Variants in VSIG10 observed in about 807,000 individuals in gnomAD.
The protein encoded by VSIG10 is V-set and immunoglobulin domain-containing protein 10.
A neutral mutation model predicts 58.7 loss-of-function variants in VSIG10; 48 were observed. That is an observed-to-expected ratio of 0.82 (90% CI 0.65 to 1.04). The LOEUF (loss-of-function observed/expected upper bound fraction) is 1.04, where lower values mean the gene tolerates loss of function less well. VSIG10 is among the 50% of genes least tolerant of loss of function. The pLI is 0.00. For missense variants in VSIG10, 628 were observed against 670.0 expected, an observed-to-expected ratio of 0.94 and a Z score of 0.69; for synonymous variants, 260 against 267.1, an observed-to-expected ratio of 0.97 and a Z score of 0.26.
chr12:118,066,631 C>T lies in VSIG10; in HGVS notation c.*8G>A, dbSNP rs202051447. The stretch of plus-strand genomic sequence containing the variant: ...TCAGAGCAAGACAACCATGGACCAT[C>T]CTCTTCTTCAGACTGGCCTGTCTTC... On this transcript the variant is annotated 3_prime_UTR_variant, in exon 9 of 9. Coordinates refer to ENST00000359236, the MANE Select transcript of VSIG10 (RefSeq NM_019086.6). 1 of 1,613,736 alleles carries T rather than the reference C, an allele frequency of 6.2e-7. No homozygotes were observed. The highest frequency in any genetic ancestry group is 1.7e-5 in the Admixed American group (1 of 59,976).
Position 118,079,339 on chromosome 12 carries a change from G to T in VSIG10, c.925+7C>A. 1 of 1,612,322 alleles carries T rather than the reference G, an allele frequency of 6.2e-7. No individual in the cohort carries two copies. The highest frequency in any genetic ancestry group is 8.5e-7 in the Non-Finnish European group (1 of 1,178,502). The stretch of plus-strand genomic sequence containing the variant: ...TCCAACCCCAAGACAAAGCAAAACA[G>T]ACTCACTGATCTGCACCATGCAGCT... On this transcript the variant is annotated splice_region_variant and intron_variant, in intron 4 of 8. Transcript: ENST00000359236.
intron 3 of VSIG10, 84 bp from the exon 4 acceptor site, chr12:118,079,690 G>C: frequency 6.5e-7 from 1 of 1,544,496 alleles, no homozygotes; most frequent in African/African-American, 1.4e-5. Flanking sequence ...GGCAGAACCA[G>C]GGTCTCAGAG....
intron 7 of VSIG10, 147 bp downstream of exon 7, chr12:118,070,905 C>T (rs987872438): frequency 9.8e-5 from 92 of 936,742 alleles, no homozygotes; most frequent in Non-Finnish European, 1.5e-4. Context: ...TATAAGAATA[C>T]CTGATGAAAT....
At chr12:118,067,408 A>T (rs933700554) in intron 8 of VSIG10, among the ~76,000 whole-genome samples, 1 of 150,832 alleles carries the variant, frequency 6.6e-6, no homozygotes, top group Non-Finnish European at 1.5e-5. Context: ...TGTTGGTTCA[A>T]TCTTGCTCCT....
intron 1 of VSIG10, among the ~76,000 whole-genome samples, chr12:118,098,924 T>TGGG (rs35378165): frequency 0.014 from 2,053 of 147,800 alleles, 21 homozygotes; most frequent in Middle Eastern, 0.031. Context: ...AGATGGGGGT[T>TGGG]GGGGGGGGTC....
At position 118,103,871 on chromosome 12, in the gene VSIG10, G is replaced by A. The variant is rs1011220143; in HGVS notation, c.-200C>T. On this transcript the variant is annotated 5_prime_UTR_variant, in exon 1 of 9. Coordinates refer to ENST00000359236, the MANE Select transcript of VSIG10 (RefSeq NM_019086.6). Reference sequence around the variant, plus strand: ...GGCAGCGGAGCTCGGCTGCAGGCTCGGGTCCCCGCTCCCGAGCGCCCTGGC... The same window carrying A: ...GGCAGCGGAGCTCGGCTGCAGGCTCAGGTCCCCGCTCCCGAGCGCCCTGGC... 1.3e-5 allele frequency: 6 copies of A among 462,922 alleles called. No individual in the cohort carries two copies. The highest frequency in any genetic ancestry group is 1.0e-4 in the African/African-American group (5 of 49,150). The allele number at this position is 462,922 out of a possible 1,614,324, so 28.7% of individuals were successfully genotyped here.
chr12:118,085,396 G>C (rs1295884233), intron 2 of VSIG10, among the ~76,000 whole-genome samples: 1 of 152,218 alleles, frequency 6.6e-6, no homozygotes, highest in Non-Finnish European at 1.5e-5. Flanking sequence ...TCACGTGCGA[G>C]CTGGTTCCAT....
At position 118,073,952 on chromosome 12, in the gene VSIG10, G is replaced by C. The variant is rs753167803; in HGVS notation, c.966C>G (p.Phe322Leu). Reference protein sequence around the residue: ...SLLSEPMKTCFTGGNVTLTCQ... With the variant: ...SLLSEPMKTCLTGGNVTLTCQ... ...ATGTAAGCGTCACATTGCCCCCAGT[G>C]AAGCAAGTCTTCATGGGCTCAGAGA... is the stretch of plus-strand genomic sequence containing the variant. Residue 322 changes from phenylalanine (F) to leucine (L), a missense_variant, in exon 5 of 9, where the codon TTC (phenylalanine) becomes TTG (leucine). Physicochemically the swap from Phe to Leu is conservative, Grantham distance 22. Coordinates refer to ENST00000359236, the MANE Select transcript of VSIG10 (RefSeq NM_019086.6). The C allele has an allele frequency of 8.1e-6, 13 of 1,601,014 alleles. No individual in the cohort carries two copies. Among genetic ancestry groups the C allele is most frequent in the South Asian group, 1.1e-5 (1 of 88,998 alleles).
intron 2 of VSIG10, among the ~76,000 whole-genome samples, chr12:118,087,252 A>ACT (rs1202351684): frequency 1.3e-5 from 2 of 152,028 alleles, no homozygotes; most frequent in African/African-American, 4.8e-5. Flanking sequence ...ATGAGTGATG[A>ACT]AATCACACCA....
chr12:118,098,265 G>A (rs887178521), intron 1 of VSIG10, among the ~76,000 whole-genome samples: 56 of 141,324 alleles, frequency 4.0e-4, no homozygotes, highest in Admixed American at 9.3e-4. Flanking sequence ...CTCTCTCTCC[G>A]CCTCTCCCTC....
At chr12:118,090,772 C>T (rs1268888933) in intron 2 of VSIG10, among the ~76,000 whole-genome samples, 1 of 152,168 alleles carries the variant, frequency 6.6e-6, no homozygotes, top group Non-Finnish European at 1.5e-5. Context: ...CCCACCTCAG[C>T]CCCTCAAAGT....
intron 8 of VSIG10, 99 bp from the exon 9 acceptor site, chr12:118,066,793 G>C: frequency 7.6e-7 from 1 of 1,307,962 alleles, no homozygotes; most frequent in Non-Finnish European, 1.1e-6. Context: ...GTCCTTTCCT[G>C]GTGAGCCACA....
In VSIG10 at chr12:118,068,491, G is replaced by A. The variant is rs368996191; in HGVS notation, c.1453C>T (p.Arg485Cys). 52 of 1,612,878 alleles carry A rather than the reference G, an allele frequency of 3.2e-5. No homozygotes were observed. The highest frequency in any genetic ancestry group is 1.6e-4 in the East Asian group (7 of 44,796). The change falls in exon 8 of 9, where the codon CGT becomes TGT. Residue 485 changes from arginine (R) to cysteine (C), a missense_variant. Physicochemically the swap from Arg to Cys is radical, Grantham distance 180. Coordinates refer to ENST00000359236, the MANE Select transcript of VSIG10 (RefSeq NM_019086.6). The stretch of plus-strand genomic sequence containing the variant: ...TCTTTTGGCAACTCCTCTCTCTCAC[G>A]TGCTCCCTCCTGTTCCCCTACTGCA... Reference protein sequence around the residue: ...DAAVGEQEGAREREELPKEIP... With the variant: ...DAAVGEQEGACEREELPKEIP...
rs1016723820 is a variant in VSIG10 at position 118,079,554 on chromosome 12, G to C, written c.717C>G (p.Phe239Leu). The change falls in exon 4 of 9, where the codon TTC (phenylalanine) becomes TTG (leucine). Residue 239 changes from phenylalanine to leucine, a missense_variant. Phe to Leu is a conservative substitution (Grantham distance 22). Coordinates refer to ENST00000359236, the MANE Select transcript of VSIG10 (RefSeq NM_019086.6). Reference sequence around the variant, plus strand: ...CCCAGCGACAGGTAAGCTGCAACATGAACGATCCTGATGCCATCTGTGCCC... The same window carrying C: ...CCCAGCGACAGGTAAGCTGCAACATCAACGATCCTGATGCCATCTGTGCCC... ...QCWAQMASGS[F>L]MLQLTCRWDG... The C allele has an allele frequency of 1.9e-6, 3 of 1,613,912 alleles. No homozygotes were observed. Among genetic ancestry groups the C allele is most frequent in the Non-Finnish European group, 2.5e-6 (3 of 1,179,912 alleles).
At chr12:118,071,601 T>C in intron 5 of VSIG10, 132 bp from the exon 6 acceptor site, 2 of 720,274 alleles carry the variant, frequency 2.8e-6, no homozygotes, top group Admixed American at 2.5e-5. Context: ...GACCTGTCTG[T>C]AATGCCAGAT....
At chr12:118,074,959 A>G (rs139186617) in intron 4 of VSIG10, among the ~76,000 whole-genome samples, 1 of 152,122 alleles carries the variant, frequency 6.6e-6, no homozygotes, top group East Asian at 1.9e-4. Context: ...ACATTCGCAT[A>G]CCTTTTATGA....
intron 1 of VSIG10, among the ~76,000 whole-genome samples, chr12:118,100,087 G>A (rs1441549474): frequency 6.6e-6 from 1 of 152,226 alleles, no homozygotes; most frequent in Non-Finnish European, 1.5e-5. Context: ...AAGCAGGTGA[G>A]GGCCGGGGGC....
At position 118,073,982 on chromosome 12, in the gene VSIG10, G is replaced by A. The variant is rs987635721; in HGVS notation, c.936C>T (p.Ser312=). The change falls in exon 5 of 9, where the codon TCC becomes TCT. Residue 312 remains serine, a synonymous_variant. Coordinates refer to ENST00000359236, the MANE Select transcript of VSIG10 (RefSeq NM_019086.6). ...ASCMVQIRGP[S]LLSEPMKTCF... ...AAGTCTTCATGGGCTCAGAGAGAAG[G>A]GAGGGACCCCCTGGTGATCAGAAGG... The A allele has an allele frequency of 6.4e-7, 1 of 1,561,460 alleles. No individual in the cohort carries two copies. Among genetic ancestry groups the A allele is most frequent in the Non-Finnish European group, 8.7e-7 (1 of 1,152,342 alleles).
In VSIG10 at chr12:118,068,023, C is replaced by CTTTT. The variant is rs371999216; in HGVS notation, c.1567+350_1567+353dup. ...CCGCAGCAGTTCAGAGGTTTGTGGG[C>CTTTT]TTTTTTTTTTTTTTTTTTTTTTCTG... is the stretch of plus-strand genomic sequence containing the variant. On this transcript the variant is annotated intron_variant, in intron 8 of 8. Transcript: ENST00000359236. 4.0e-3 allele frequency among the ~76,000 whole-genome samples: 339 copies of CTTTT among 85,488 alleles called. 35 individuals are homozygous for CTTTT. The highest frequency in any genetic ancestry group is 0.01 in the African/African-American group (208 of 20,124). The allele number at this position is 85,488 out of a possible 152,430, so 56.1% of individuals were successfully genotyped here.
Sources: gnomAD v4.1 joint callset for allele counts (sites outside exome capture counted in the v4.1 genomes callset) on GRCh38, gnomAD v4.1.1 for gene constraint, MANE v1.5 for transcripts, NCBI Gene and HGNC (gene_info 2026-07-23, HGNC 2026-07-21) for gene names.